The following PSG5 variants were observed in gnomAD, a reference collection of about 807,000 sequenced individuals.
PSG5 encodes the protein pregnancy-specific beta-1-glycoprotein 5.
In PSG5, 53 loss-of-function variants were observed where a neutral mutation model predicts 37.7. The ratio of observed to expected loss-of-function variants is 1.41; its 90% CI spans 1.13 to 1.77. The LOEUF (loss-of-function observed/expected upper bound fraction) is 1.77. PSG5 is among the 40% of genes most tolerant of loss of function. PSG5 has a pLI of 0.00. For synonymous variants in PSG5, 221 were observed against 155.4 expected (o/e 1.42, Z -3.14); for missense variants, 547 against 405.2 (o/e 1.35, Z -3.00).
intron 4 of PSG5, among the ~76,000 whole-genome samples, chr19:43,172,257 A>T (rs1196627824): frequency 2.0e-5 from 3 of 151,670 alleles, no homozygotes; most frequent in African/African-American, 4.9e-5. Flanking sequence ...CATAAAGGCA[A>T]TATGTGAAAA....
chr19:43,175,167 T>G (rs1968978079), intron 4 of PSG5, 48 bp downstream of exon 4: 10 of 1,611,592 alleles, frequency 6.2e-6, no homozygotes, highest in Non-Finnish European at 7.6e-6. Flanking sequence ...GAAAGCCAGG[T>G]AGACTCCACC....
chr19:43,182,844 ACAGTGGAAG>A, intron 2 of PSG5, among the ~76,000 whole-genome samples: 1 of 147,586 alleles, frequency 6.8e-6, no homozygotes, highest in Middle Eastern at 3.5e-3. Flanking sequence ...GGATGGGAAT[ACAGTGGAAG>A]CTCATTCTCT....
In PSG5 at chr19:43,176,141, C is replaced by A. The variant is rs757091136; in HGVS notation, c.438G>T (p.Leu146=). Residue 146 remains leucine (L), a synonymous_variant, in exon 3 of 6, where the codon CTG becomes CTT. Coordinates refer to ENST00000342951, the MANE Select transcript of PSG5 (RefSeq NM_002781.4). The part of the protein sequence containing the change: ...GYFTFNLYLK[L]PKPYITINNS... The stretch of plus-strand genomic sequence containing the variant: ...TGTTGATGGTGATGTAGGGCTTGGG[C>A]AGCTTCACTGTGTGGATAACAGAGA... The A allele has an allele frequency of 5.6e-6, 9 of 1,611,210 alleles. No individual in the cohort carries two copies. The highest frequency in any genetic ancestry group is 1.1e-5 in the South Asian group (1 of 91,006).
intron 2 of PSG5, chr19:43,178,968 A>G (rs1362549210): frequency 2.5e-6 from 4 of 1,612,652 alleles, no homozygotes; most frequent in African/African-American, 2.7e-5. Context: ...ATACTTTGTG[A>G]CACCAAATAT....
In PSG5 at chr19:43,184,929, A is replaced by G. The variant is rs141205123; in HGVS notation, c.283T>C (p.Tyr95His). ...GAATATACTGTTTCTCGTCCAGTGTATGCAGGCCCATATATATTTATTTGA... is the reference window on the plus strand; with the variant it reads ...GAATATACTGTTTCTCGTCCAGTGTGTGCAGGCCCATATATATTTATTTGA... The part of the protein sequence containing the change: ...DGQINIYGPA[Y>H]TGRETVYSNA... The change falls in exon 2 of 6, where the codon TAC becomes CAC. Residue 95 changes from tyrosine (Y) to histidine (H), a missense_variant. Transcript: ENST00000342951. The G allele has an allele frequency of 9.3e-6, 15 of 1,612,476 alleles. No homozygotes were observed. In the Admixed American group the frequency reaches 1.5e-4, roughly 16 times the overall value.
chr19:43,176,432 C>G (rs1166458341), intron 2 of PSG5, among the ~76,000 whole-genome samples: 3 of 151,474 alleles, frequency 2.0e-5, no homozygotes, highest in African/African-American at 7.3e-5. Flanking sequence ...CCCCTGGTAC[C>G]CCTCCCAGTC....
intron 4 of PSG5, chr19:43,171,451 T>G (rs1968903613): frequency 5.4e-6 from 1 of 185,270 alleles, no homozygotes; most frequent in East Asian, 1.3e-4. Context: ...ACAACCTACT[T>G]TAATACTTCA....
rs373942985 is a variant in PSG5, at chr19:43,179,089, A to G, written c.431-2941T>C. The G allele has an allele frequency of 1.6e-5, 26 of 1,611,284 alleles. No individual in the cohort carries two copies. In the African/African-American group the frequency reaches 3.4e-4, roughly 21 times the overall value. Reference sequence around the variant, plus strand: ...TCTGAAGCCGCAGGATCACAGGTTAAGATCACAGCCTCCATGGCCTCCCTG... The same window carrying G: ...TCTGAAGCCGCAGGATCACAGGTTAGGATCACAGCCTCCATGGCCTCCCTG... On this transcript the variant is annotated intron_variant, in intron 2 of 5. Transcript: ENST00000342951.
At chr19:43,173,679 C>T (rs1434197032) in intron 4 of PSG5, among the ~76,000 whole-genome samples, 11 of 151,618 alleles carry the variant, frequency 7.3e-5, no homozygotes, top group East Asian at 1.9e-4. Flanking sequence ...TTTAGGATGG[C>T]TTTGATAAAC....
intron 2 of PSG5, among the ~76,000 whole-genome samples, chr19:43,182,175 A>T (rs1473421967): frequency 6.6e-6 from 1 of 151,542 alleles, no homozygotes; most frequent in Non-Finnish European, 1.5e-5. Flanking sequence ...TGAAACTAAC[A>T]ACCTTACTTT....
intron 4 of PSG5, chr19:43,171,187 G>A (rs1457142342): frequency 6.6e-6 from 1 of 151,526 alleles, no homozygotes; most frequent in East Asian, 1.9e-4. Flanking sequence ...GTGACAGGTG[G>A]ATCTGAAATT....
chr19:43,182,854 C>G (rs1234115772), intron 2 of PSG5, among the ~76,000 whole-genome samples: 4 of 148,220 alleles, frequency 2.7e-5, no homozygotes, highest in African/African-American at 7.6e-5. Context: ...ACAGTGGAAG[C>G]TCATTCTCTT....
intron 2 of PSG5, among the ~76,000 whole-genome samples, chr19:43,181,884 G>A (rs1187890920): frequency 6.6e-6 from 1 of 151,744 alleles, no homozygotes; most frequent in Non-Finnish European, 1.5e-5. Context: ...AGAAGTGACA[G>A]GAGAATGTGA....
intron 1 of PSG5, 151 bp from the exon 2 acceptor site, chr19:43,185,298 T>TGA (rs1966909696): frequency 8.3e-7 from 1 of 1,198,192 alleles, no homozygotes; most frequent in African/African-American, 1.5e-5. Context: ...TGCATGTTAG[T>TGA]TTGTGTGTGT....
At chr19:43,170,548 T>C (rs2122199282) in intron 4 of PSG5, 1 of 408,482 alleles carries the variant, frequency 2.4e-6, no homozygotes, top group East Asian at 6.7e-5. Flanking sequence ...AAGGCCCACG[T>C]CCGTGCATTT....
At chr19:43,179,217 C>T (rs11671967) in intron 2 of PSG5, 347,861 of 1,488,730 alleles carry the variant, frequency 0.23, 48,466 homozygotes, top group Non-Finnish European at 0.27. Context: ...TCCAAAGGCA[C>T]TTTTCAATCA....
intron 1 of PSG5, 82 bp from the exon 2 acceptor site, chr19:43,185,229 C>G: frequency 6.9e-7 from 1 of 1,439,994 alleles, no homozygotes; most frequent in South Asian, 1.4e-5. Context: ...CTGAGAAGGT[C>G]TCTTCAATCC....
chr19:43,178,968 A>T, intron 2 of PSG5: 1 of 1,612,770 alleles, frequency 6.2e-7, no homozygotes, highest in African/African-American at 1.3e-5. Flanking sequence ...ATACTTTGTG[A>T]CACCAAATAT....
intron 2 of PSG5, among the ~76,000 whole-genome samples, chr19:43,179,478 C>T (rs868007090): frequency 2.6e-5 from 4 of 151,718 alleles, no homozygotes; most frequent in African/African-American, 9.7e-5. Flanking sequence ...CTGCCTGACC[C>T]ACCTTGTGGT....
Sources: allele counts gnomAD v4.1 joint callset (sites outside exome capture counted in the v4.1 genomes callset), GRCh38; gene constraint gnomAD v4.1.1; transcripts MANE v1.5; gene names NCBI Gene and HGNC (gene_info 2026-07-23, HGNC 2026-07-21).